QSOX1: variants seen among roughly 807,000 people sequenced by gnomAD.
QSOX1 encodes the protein quiescin sulfhydryl oxidase 1.
QSOX1 carries 40 observed loss-of-function variants against 76.1 expected under a neutral mutation model. The observed-to-expected ratio is 0.53, with a 90% confidence interval of 0.41 to 0.68. The LOEUF is 0.68. Among genes scored for constraint, QSOX1 ranks in the 30% least tolerant of loss-of-function variants. The pLI, the probability that QSOX1 is intolerant of heterozygous loss-of-function variation, is 0.00. For missense variants in QSOX1, 931 were observed against 974.3 expected (o/e 0.96, Z 0.59); for synonymous variants, 392 against 413.1 (o/e 0.95, Z 0.62).
rs1209934744 is a variant in QSOX1, at chr1:180,198,581, T to C, written c.*1544T>C. On this transcript the variant is annotated 3_prime_UTR_variant, in exon 12 of 12. Coordinates refer to ENST00000367602, the MANE Select transcript of QSOX1 (RefSeq NM_002826.5). Reference sequence around the variant, plus strand: ...GGAGCAGGTGGGATGCCAAGGCCACTCCTGCTATGGGGCAGCTGGGGCTGG... The same window carrying C: ...GGAGCAGGTGGGATGCCAAGGCCACCCCTGCTATGGGGCAGCTGGGGCTGG... The C allele has an allele frequency of 2.8e-6, 1 of 359,698 alleles. No individual in the cohort carries two copies. Among genetic ancestry groups the C allele is most frequent in the East Asian group, 7.5e-5 (1 of 13,360 alleles). 22.3% of individuals were successfully genotyped at this position (359,698 alleles called of 1,614,324 possible). A position where few individuals can be genotyped will look rare whatever the true frequency, so the allele number is the denominator to read the frequency against.
Position 180,191,848 on chromosome 1 carries a change from A to C in QSOX1, c.1288+1268A>C, listed in dbSNP as rs974068359. 6.8e-4 allele frequency among the ~76,000 whole-genome samples: 104 copies of C among 152,262 alleles called. 1 individual carries two copies. The highest frequency in any genetic ancestry group is 4.1e-4 in the South Asian group (2 of 4,822). On this transcript the variant is annotated intron_variant, in intron 10 of 11. Coordinates refer to ENST00000367602, the MANE Select transcript of QSOX1 (RefSeq NM_002826.5). ...ACTCACAAATGTCAGGCTGGGGCTC[A>C]GCCAGTAGACGTCTGTTGTCTGAGT...
chr1:180,193,487 T>G (rs950205673), intron 10 of QSOX1, among the ~76,000 whole-genome samples: 2 of 151,846 alleles, frequency 1.3e-5, no homozygotes, highest in Non-Finnish European at 2.9e-5. Context: ...AGCAGGAGAT[T>G]GGCTTCTAAA....
chr1:180,180,217 T>G (rs1414751213), intron 5 of QSOX1, among the ~76,000 whole-genome samples: 3 of 152,264 alleles, frequency 2.0e-5, no homozygotes, highest in Non-Finnish European at 2.9e-5. Flanking sequence ...TTTATTTATT[T>G]TGATTTTTGT....
chr1:180,155,052 A>C lies in QSOX1; in HGVS notation c.145A>C (p.Thr49Pro). Residue 49 changes from threonine to proline, a missense_variant, in exon 1 of 12, where the codon ACG becomes CCG. Thr to Pro is a conservative substitution (Grantham distance 38, BLOSUM62 -1). Transcript: ENST00000367602. ...SDPLTLLQAD[T>P]VRGAVLGSRS... ...CCCGCTGACGCTGCTGCAGGCGGACACGGTGCGCGGCGCGGTGCTGGGCTC... is the reference window on the plus strand; with the variant it reads ...CCCGCTGACGCTGCTGCAGGCGGACCCGGTGCGCGGCGCGGTGCTGGGCTC... The C allele has an allele frequency of 6.6e-7, 1 of 1,513,432 alleles. No homozygotes were observed. Among genetic ancestry groups the C allele is most frequent in the Non-Finnish European group, 8.8e-7 (1 of 1,137,938 alleles). 93.8% of individuals were successfully genotyped at this position (1,513,432 alleles called of 1,614,324 possible).
At chr1:180,157,059 T>C (rs1414420006) in intron 1 of QSOX1, among the ~76,000 whole-genome samples, 2 of 152,250 alleles carry the variant, frequency 1.3e-5, no homozygotes, top group African/African-American at 4.8e-5. Context: ...ATTCTGCTCC[T>C]GGATGAGGGT....
chr1:180,188,538 A>G (rs1338851938), intron 8 of QSOX1, among the ~76,000 whole-genome samples: 1 of 152,244 alleles, frequency 6.6e-6, no homozygotes, highest in African/African-American at 2.4e-5. Flanking sequence ...TGAGTTCCAG[A>G]GGCCCGTGTG....
intron 1 of QSOX1, among the ~76,000 whole-genome samples, chr1:180,157,659 G>A (rs1662403282): frequency 6.6e-6 from 1 of 152,080 alleles, no homozygotes; most frequent in Non-Finnish European, 1.5e-5. Flanking sequence ...CTGCTGCCCC[G>A]GGGCAGAGCA....
intron 10 of QSOX1, 124 bp downstream of exon 10, chr1:180,190,704 G>A: frequency 8.0e-7 from 1 of 1,253,152 alleles, no homozygotes; most frequent in Non-Finnish European, 1.1e-6. Flanking sequence ...CAGAAGATGG[G>A]GAGAGTCAGC....
chr1:180,186,751 G>C (rs191156136), intron 8 of QSOX1, among the ~76,000 whole-genome samples: 1 of 152,240 alleles, frequency 6.6e-6, no homozygotes, highest in Non-Finnish European at 1.5e-5. Context: ...ACTACTCTGC[G>C]AGGTGGGTGG....
intron 1 of QSOX1, among the ~76,000 whole-genome samples, chr1:180,164,259 T>C (rs1662559560): frequency 6.6e-6 from 1 of 152,162 alleles, no homozygotes; most frequent in Non-Finnish European, 1.5e-5. Flanking sequence ...GCTATCCTTG[T>C]GTGCTAAGGG....
intron 5 of QSOX1, among the ~76,000 whole-genome samples, chr1:180,181,821 A>C (rs1446789827): frequency 1.3e-5 from 2 of 152,222 alleles, no homozygotes; most frequent in East Asian, 1.9e-4. Flanking sequence ...CTCAGTGCAA[A>C]AAACAAACGA....
At chr1:180,193,275 A>G (rs935985457) in intron 10 of QSOX1, among the ~76,000 whole-genome samples, 2 of 152,010 alleles carry the variant, frequency 1.3e-5, no homozygotes, top group African/African-American at 2.4e-5. Context: ...TAACCCGAGC[A>G]GCAGCGGAGA....
chr1:180,175,784 A>T (rs1662874733), intron 3 of QSOX1, 147 bp from the exon 4 acceptor site: 1 of 651,958 alleles, frequency 1.5e-6, no homozygotes, highest in African/African-American at 1.8e-5. Flanking sequence ...CCATTCTTCT[A>T]GCACAGGGAA....
Position 180,198,520 on chromosome 1 carries a change from C to T in QSOX1, c.*1483C>T. 1 of 405,904 alleles carries T rather than the reference C, an allele frequency of 2.5e-6. No individual in the cohort carries two copies. Among genetic ancestry groups the T allele is most frequent in the Non-Finnish European group, 5.1e-6 (1 of 196,028 alleles). 25.1% of individuals were successfully genotyped at this position (405,904 alleles called of 1,614,324 possible). On this transcript the variant is annotated 3_prime_UTR_variant, in exon 12 of 12. Transcript: ENST00000367602. ...CAATCCGATTTGGTTTTCTCTTTGA[C>T]ATCTTCACTCTGCTCAGATGGCCTG...
intron 2 of QSOX1, among the ~76,000 whole-genome samples, chr1:180,173,617 G>A (rs1662811806): frequency 6.6e-6 from 1 of 152,160 alleles, no homozygotes; most frequent in African/African-American, 2.4e-5. Context: ...GAGACAGGTG[G>A]CTTCTCTGCA....
chr1:180,159,404 AC>A (rs1662445294), intron 1 of QSOX1, among the ~76,000 whole-genome samples: 1 of 152,226 alleles, frequency 6.6e-6, no homozygotes, highest in African/African-American at 2.4e-5. Context: ...TGGAGCACTC[AC>A]ATAAGGACCT....
intron 1 of QSOX1, among the ~76,000 whole-genome samples, chr1:180,159,262 A>G (rs1662440390): frequency 6.6e-6 from 1 of 152,260 alleles, no homozygotes; most frequent in Admixed American, 6.5e-5. Context: ...TCTCCCCAGT[A>G]GTAGAGCTAG....
chr1:180,162,671 T>C (rs1271507996), intron 1 of QSOX1, among the ~76,000 whole-genome samples: 1 of 151,820 alleles, frequency 6.6e-6, no homozygotes, highest in Non-Finnish European at 1.5e-5. Flanking sequence ...CCCAGGAGAT[T>C]GAGGACAGGT....
At chr1:180,166,436 G>T (rs947559266) in intron 1 of QSOX1, 55 bp from the exon 2 acceptor site, 3 of 1,413,784 alleles carry the variant, frequency 2.1e-6, no homozygotes, top group Non-Finnish European at 1.0e-6. Context: ...GGAGATGGGC[G>T]GGCAGAGGGG....
Sources: allele counts gnomAD v4.1 joint callset (sites outside exome capture counted in the v4.1 genomes callset), GRCh38; gene constraint gnomAD v4.1.1; transcripts MANE v1.5; gene names NCBI Gene and HGNC (gene_info 2026-07-23, HGNC 2026-07-21).